CUL3: variants seen among roughly 807,000 people sequenced by gnomAD.
The protein encoded by CUL3 is cullin-3.
CUL3 carries 19 observed loss-of-function variants against 89.1 expected under a neutral mutation model. The ratio of observed to expected loss-of-function variants is 0.21; its 90% CI spans 0.15 to 0.31. CUL3 has a LOEUF of 0.31. CUL3 is among the 10% of genes least tolerant of loss of function. The pLI, the probability that CUL3 is intolerant of heterozygous loss-of-function variation, is 1.00. For missense variants in CUL3, 469 were observed against 942.3 expected, an observed-to-expected ratio of 0.50 and a Z score of 6.58; for synonymous variants, 351 against 308.4, an observed-to-expected ratio of 1.14 and a Z score of -1.45.
chr2:224,528,721 G>C (rs937973935), intron 3 of CUL3, among the ~76,000 whole-genome samples: 3 of 152,014 alleles, frequency 2.0e-5, no homozygotes, highest in African/African-American at 7.3e-5. Context: ...ACCCATCCTT[G>C]ATGACTTTCC....
At chr2:224,515,744 GGA>G (rs1474779376) in intron 3 of CUL3, among the ~76,000 whole-genome samples, 5 of 150,852 alleles carry the variant, frequency 3.3e-5, no homozygotes, top group African/African-American at 7.3e-5. Flanking sequence ...TGTCTGGGCT[GGA>G]GTACAGTGGT....
chr2:224,547,261 C>T (rs1281881060), intron 2 of CUL3, among the ~76,000 whole-genome samples: 1 of 152,112 alleles, frequency 6.6e-6, no homozygotes, highest in African/African-American at 2.4e-5. Context: ...CTAGCCCAAC[C>T]CACTTTACTA....
intron 1 of CUL3, 85 bp from the exon 2 acceptor site, chr2:224,557,941 A>T: frequency 1.3e-6 from 1 of 749,932 alleles, no homozygotes. Flanking sequence ...TTGTCCATAT[A>T]TAGTAAATAT....
In CUL3 at chr2:224,485,314, G is replaced by A. The variant is rs1205461046; in HGVS notation, c.1843-3236C>T. On this transcript the variant is annotated intron_variant, in intron 13 of 15. Coordinates refer to ENST00000264414, the MANE Select transcript of CUL3 (RefSeq NM_003590.5). The surrounding 1 kb of genome is among the most constrained non-coding windows in gnomAD (Gnocchi z 4.1). ...GGGGGCTGAAGCCAGGGAGCCAAGT[G>A]GTCTTACTCAGTGGGTCCCACCCCG... 6.6e-6 allele frequency: 1 copy of A among 152,214 alleles called. No homozygotes were observed. The highest frequency in any genetic ancestry group is 1.5e-5 in the Non-Finnish European group (1 of 68,116). 9.4% of individuals were successfully genotyped at this position (152,214 alleles called of 1,614,324 possible).
In CUL3 at chr2:224,472,063, A is replaced by G. The variant is rs963255245; in HGVS notation, c.*2182T>C. The G allele has an allele frequency of 5.2e-5, 12 of 230,632 alleles. No homozygotes were observed. The highest frequency in any genetic ancestry group is 2.8e-4 in the Admixed American group (5 of 17,708). The allele number at this position is 230,632 out of a possible 1,614,324, so 14.3% of individuals were successfully genotyped here. A position where few individuals can be genotyped will look rare whatever the true frequency, so the allele number is the denominator to read the frequency against. On this transcript the variant is annotated 3_prime_UTR_variant, in exon 16 of 16. Transcript: ENST00000264414. Reference sequence around the variant, plus strand: ...AAATAATACTTATGCAGTCAAACATATAAACATTTTGTGTGACCAGTTTTT... The same window carrying G: ...AAATAATACTTATGCAGTCAAACATGTAAACATTTTGTGTGACCAGTTTTT...
intron 2 of CUL3, among the ~76,000 whole-genome samples, chr2:224,537,678 CA>C (rs1267429260): frequency 6.6e-6 from 1 of 152,078 alleles, no homozygotes; most frequent in Admixed American, 6.6e-5. Context: ...AATGCAAGAG[CA>C]ATCTACGCTA....
rs1020539731 is a variant in CUL3 at position 224,472,447 on chromosome 2, C to G, written c.*1798G>C. The G allele has an allele frequency of 1.5e-5, 3 of 198,782 alleles. No individual in the cohort carries two copies. Among genetic ancestry groups the G allele is most frequent in the Non-Finnish European group, 3.1e-5 (3 of 96,420 alleles). 12.3% of individuals were successfully genotyped at this position (198,782 alleles called of 1,614,324 possible). A position where few individuals can be genotyped will look rare whatever the true frequency, so the allele number is the denominator to read the frequency against. On this transcript the variant is annotated 3_prime_UTR_variant, in exon 16 of 16. Transcript: ENST00000264414. ...AAAAAAATTCTCAAACATGAACTAC[C>G]ATTACTTTCCTATAAACATCTTACC...
intron 3 of CUL3, chr2:224,533,244 A>G (rs1214021051): frequency 6.6e-6 from 1 of 152,254 alleles, no homozygotes; most frequent in Non-Finnish European, 1.5e-5. Context: ...TGATGAAAAG[A>G]TGAAGGGACA....
intron 11 of CUL3, chr2:224,499,279 G>A (rs545600376): frequency 6.3e-6 from 1 of 157,604 alleles, no homozygotes; most frequent in African/African-American, 2.4e-5. Flanking sequence ...ATTTTTTGTA[G>A]TAAGATGTTT....
chr2:224,557,902 A>C (rs994826219), intron 1 of CUL3, 46 bp from the exon 2 acceptor site: 10 of 1,099,230 alleles, frequency 9.1e-6, no homozygotes, highest in African/African-American at 4.8e-5. Flanking sequence ...AAAAAAAAAA[A>C]AAACCAATGG....
At chr2:224,500,844 G>A (rs376400166) in intron 10 of CUL3, among the ~76,000 whole-genome samples, 2 of 151,862 alleles carry the variant, frequency 1.3e-5, no homozygotes, top group South Asian at 2.1e-4. Flanking sequence ...GGCTGGTCTC[G>A]AACTCCTGAC....
chr2:224,506,423 A>C (rs1434427652), intron 7 of CUL3, among the ~76,000 whole-genome samples: 1 of 152,206 alleles, frequency 6.6e-6, no homozygotes, highest in East Asian at 1.9e-4. Flanking sequence ...CCAGTGAAAA[A>C]AATTAGCTTA....
intron 3 of CUL3, among the ~76,000 whole-genome samples, chr2:224,524,978 G>T (rs1363642599): frequency 2.0e-5 from 3 of 151,070 alleles, no homozygotes; most frequent in Non-Finnish European, 1.5e-5. Flanking sequence ...AGCTAATGGG[G>T]GTGGGGGTAA....
chr2:224,487,624 C>G (rs1691783184), intron 13 of CUL3, among the ~76,000 whole-genome samples: 1 of 152,076 alleles, frequency 6.6e-6, no homozygotes, highest in Admixed American at 6.5e-5. Flanking sequence ...AAAGTCTCTA[C>G]AAAGAGACTC....
At chr2:224,516,797 C>T (rs941174414) in intron 3 of CUL3, among the ~76,000 whole-genome samples, 1 of 151,742 alleles carries the variant, frequency 6.6e-6, no homozygotes, top group Non-Finnish European at 1.5e-5. Flanking sequence ...CAGGCACCCG[C>T]CACCATGCCT....
intron 1 of CUL3, among the ~76,000 whole-genome samples, chr2:224,584,665 C>T (rs915216295): frequency 2.0e-5 from 3 of 150,968 alleles, no homozygotes; most frequent in Non-Finnish European, 4.4e-5. Flanking sequence ...CGAGGGGCCC[C>T]GGCCGCAGCC....
intron 1 of CUL3, among the ~76,000 whole-genome samples, chr2:224,576,358 A>G (rs894919937): frequency 5.3e-5 from 8 of 152,168 alleles, no homozygotes; most frequent in Non-Finnish European, 1.0e-4. Flanking sequence ...CTCCCAATTC[A>G]GGGTCACTGA....
chr2:224,542,558 T>TGTGC (rs1455285681), intron 2 of CUL3, among the ~76,000 whole-genome samples: 7 of 146,446 alleles, frequency 4.8e-5, no homozygotes, highest in African/African-American at 1.1e-4. Flanking sequence ...TGCGTGTGCG[T>TGTGC]GTGTGTGTGT....
intron 3 of CUL3, among the ~76,000 whole-genome samples, chr2:224,524,272 A>C (rs1693382966): frequency 6.6e-6 from 1 of 152,114 alleles, no homozygotes; most frequent in African/African-American, 2.4e-5. Context: ...CCAACCAGAA[A>C]GACAAAAGTG....
Sources: gnomAD v4.1 joint callset for allele counts (sites outside exome capture counted in the v4.1 genomes callset) on GRCh38, gnomAD v4.1.1 for gene constraint, Gnocchi (gnomAD v3.1) non-coding constraint, MANE v1.5 for transcripts, NCBI Gene and HGNC (gene_info 2026-07-23, HGNC 2026-07-21) for gene names.